Variants in RORB observed in about 807,000 individuals in gnomAD.
RORB encodes the protein nuclear receptor ROR-beta.
RORB carries 6 observed loss-of-function variants against 59.1 expected under a neutral mutation model. That is an observed-to-expected ratio of 0.10 (90% CI 0.06 to 0.20). The LOEUF (loss-of-function observed/expected upper bound fraction) is 0.20, where lower values mean the gene tolerates loss of function less well. Ranked by LOEUF, RORB falls within the 10% of genes least tolerant of loss-of-function variation. The probability of loss-of-function intolerance (pLI) is 1.00; values close to 1 mark genes in which losing one functional copy is unlikely to be tolerated. For synonymous variants in RORB, 215 were observed against 204.5 expected (o/e 1.05, Z -0.44); for missense variants, 320 against 560.5 (o/e 0.57, Z 4.33).
At chr9:74,520,317 T>C (rs1300644380) in intron 1 of RORB, among the ~76,000 whole-genome samples, 1 of 151,922 alleles carries the variant, frequency 6.6e-6, no homozygotes, top group Non-Finnish European at 1.5e-5. Flanking sequence ...ATATTATATT[T>C]ATGGATGGCT....
chr9:74,535,047 G>A (rs2092461159), intron 1 of RORB, among the ~76,000 whole-genome samples: 1 of 152,008 alleles, frequency 6.6e-6, no homozygotes, highest in Admixed American at 6.6e-5. Context: ...CATAAGTTGT[G>A]ACAGCGCATC....
intron 9 of RORB, among the ~76,000 whole-genome samples, chr9:74,684,792 GC>G (rs1824611091): frequency 6.6e-6 from 1 of 152,178 alleles, no homozygotes; most frequent in Non-Finnish European, 1.5e-5. Flanking sequence ...GGATTAGAGA[GC>G]CACTCTACAA....
In RORB at chr9:74,685,634, T is replaced by C; in HGVS notation, c.*16T>C. ...CTGCAAATGAAGGGGACAAGAGAAC[T>C]GTCTCATAGTCATGGAATGCATCAC... On this transcript the variant is annotated 3_prime_UTR_variant, in exon 10 of 10. Transcript: ENST00000376896. 6.4e-7 allele frequency: 1 copy of C among 1,551,922 alleles called. No individual in the cohort carries two copies. Among genetic ancestry groups the C allele is most frequent in the South Asian group, 1.2e-5 (1 of 83,430 alleles).
At chr9:74,662,930 C>T (rs1824213031) in intron 6 of RORB, among the ~76,000 whole-genome samples, 1 of 151,792 alleles carries the variant, frequency 6.6e-6, no homozygotes, top group Admixed American at 6.6e-5. Flanking sequence ...TACTCCTTGC[C>T]TTCTGTGAAA....
rs989600939 is a variant in RORB at position 74,519,709 on chromosome 9, C to G, written c.7+21726C>G. ...CCGACAGTCTGTCGTCTCCGAAGCT[C>G]GGGTTCATTGGTTTTTATTCTGTGA... On this transcript the variant is annotated intron_variant, in intron 1 of 9. Coordinates refer to ENST00000376896, the MANE Select transcript of RORB (RefSeq NM_006914.4). Among the ~76,000 whole-genome samples, 8 of 152,026 alleles carry G rather than the reference C, an allele frequency of 5.3e-5. No homozygotes were observed. In the South Asian group the frequency reaches 1.7e-3, roughly 32 times the overall value.
At position 74,563,842 on chromosome 9, in the gene RORB, C is replaced by T. The variant is rs902879717; in HGVS notation, c.7+65859C>T. The stretch of plus-strand genomic sequence containing the variant: ...TAGAGGGATGCAGACACTGCCAGAG[C>T]TGTGCCAAAGGCAGGAGTGGAAATA... On this transcript the variant is annotated intron_variant, in intron 1 of 9. Transcript: ENST00000376896. Among the ~76,000 whole-genome samples, 8 of 152,280 alleles carry T rather than the reference C, an allele frequency of 5.3e-5. No homozygotes were observed. The South Asian group carries it at 1.7e-3, about 32-fold the overall frequency.
chr9:74,652,209 C>T (rs1051814942), intron 4 of RORB, among the ~76,000 whole-genome samples: 1 of 152,160 alleles, frequency 6.6e-6, no homozygotes, highest in Admixed American at 6.5e-5. Context: ...GAGTTTGAGA[C>T]CAGACTGGCC....
chr9:74,528,740 A>G (rs1464893217), intron 1 of RORB, among the ~76,000 whole-genome samples: 1 of 151,952 alleles, frequency 6.6e-6, no homozygotes, highest in East Asian at 1.9e-4. Flanking sequence ...ACTAGGTGCT[A>G]TTCTATGTCC....
rs368369460 is a variant in RORB, at chr9:74,555,190, C to T, written c.7+57207C>T. Among the ~76,000 whole-genome samples the T allele has an allele frequency of 1.3e-4, 20 of 152,332 alleles. No individual in the cohort carries two copies. In the South Asian group the frequency reaches 3.5e-3, roughly 27 times the overall value. ...TATGTAAGTCTGAAATCAGATCTGG[C>T]ATGCGGTTTGTTTTAGCCTGTCACA... On this transcript the variant is annotated intron_variant, in intron 1 of 9. Coordinates refer to ENST00000376896, the MANE Select transcript of RORB (RefSeq NM_006914.4).
chr9:74,579,828 C>T (rs1454723551), intron 1 of RORB, among the ~76,000 whole-genome samples: 2 of 152,124 alleles, frequency 1.3e-5, no homozygotes, highest in African/African-American at 2.4e-5. Flanking sequence ...CAGAACATTG[C>T]GAGAGCAAGA....
At chr9:74,668,048 GA>G in intron 8 of RORB, 147 bp downstream of exon 8, 1 of 597,644 alleles carries the variant, frequency 1.7e-6, no homozygotes, top group Non-Finnish European at 3.0e-6. Context: ...TTTGGACAGT[GA>G]AAAGGGAAGT....
At chr9:74,574,512 A>C (rs1019822019) in intron 1 of RORB, among the ~76,000 whole-genome samples, 1 of 152,116 alleles carries the variant, frequency 6.6e-6, no homozygotes, top group African/African-American at 2.4e-5. Context: ...AGGAGCTCTA[A>C]AAAATAAATA....
chr9:74,499,180 GA>G (rs1365873956), intron 1 of RORB: 1 of 152,410 alleles, frequency 6.6e-6, no homozygotes, highest in Non-Finnish European at 1.5e-5. Context: ...CTTGACAACA[GA>G]AAGTTAGTAA....
chr9:74,612,280 G>T (rs1411813985), intron 1 of RORB, among the ~76,000 whole-genome samples: 1 of 152,230 alleles, frequency 6.6e-6, no homozygotes, highest in Admixed American at 6.5e-5. Flanking sequence ...AGGCAGAGAA[G>T]TGAGGCATTT....
At chr9:74,530,084 C>G (rs1009693810) in intron 1 of RORB, among the ~76,000 whole-genome samples, 4 of 151,994 alleles carry the variant, frequency 2.6e-5, no homozygotes, top group African/African-American at 9.7e-5. Context: ...AATTGATCCT[C>G]CCTTTCTGTT....
chr9:74,563,912 A>G (rs939395659), intron 1 of RORB, among the ~76,000 whole-genome samples: 1 of 152,210 alleles, frequency 6.6e-6, no homozygotes, highest in Non-Finnish European at 1.5e-5. Context: ...GAAGGCAGGA[A>G]AGACCAGTGA....
At chr9:74,663,108 G>A (rs950346207) in intron 6 of RORB, among the ~76,000 whole-genome samples, 1 of 151,998 alleles carries the variant, frequency 6.6e-6, no homozygotes, top group African/African-American at 2.4e-5. Context: ...TGCTACAATC[G>A]CTGCGGAAGT....
Position 74,686,859 on chromosome 9 carries a change from G to A in RORB, c.*1241G>A, listed in dbSNP as rs1824654678. 2.6e-5 allele frequency: 4 copies of A among 152,326 alleles called. No individual in the cohort carries two copies. In the South Asian group the frequency reaches 8.3e-4, roughly 32 times the overall value. 9.4% of individuals were successfully genotyped at this position (152,326 alleles called of 1,614,324 possible). A position where few individuals can be genotyped will look rare whatever the true frequency, so the allele number is the denominator to read the frequency against. ...TAAAATGCTATAATATAAAAATGTA[G>A]CAAAAACTTGACAGACTAGAAAAAA... On this transcript the variant is annotated 3_prime_UTR_variant, in exon 10 of 10. Transcript: ENST00000376896.
intron 1 of RORB, among the ~76,000 whole-genome samples, chr9:74,603,028 A>C (rs141730025): frequency 6.6e-6 from 1 of 152,286 alleles, no homozygotes; most frequent in East Asian, 1.9e-4. Flanking sequence ...CGAATTAATC[A>C]GTAGGTGTAA....
Sources: gnomAD v4.1 joint callset for allele counts (sites outside exome capture counted in the v4.1 genomes callset) on GRCh38, gnomAD v4.1.1 for gene constraint, MANE v1.5 for transcripts, NCBI Gene and HGNC (gene_info 2026-07-23, HGNC 2026-07-21) for gene names.